Variants in FABP6 observed in about 807,000 individuals in gnomAD.
FABP6 encodes the protein gastrotropin.
A neutral mutation model predicts 14.9 loss-of-function variants in FABP6; 13 were observed. The ratio of observed to expected loss-of-function variants is 0.87; its 90% CI spans 0.57 to 1.39. The LOEUF is 1.39. FABP6 is among the 40% of genes most tolerant of loss of function. The pLI is 0.00. For missense variants in FABP6, 161 were observed against 167.2 expected, an observed-to-expected ratio of 0.96 and a Z score of 0.20; for synonymous variants, 75 against 63.6, an observed-to-expected ratio of 1.18 and a Z score of -0.85.
At chr5:160,218,555 A>C (rs569559229) in intron 3 of FABP6, among the ~76,000 whole-genome samples, 1 of 143,508 alleles carries the variant, frequency 7.0e-6, no homozygotes, top group East Asian at 2.0e-4. Context: ...CTGCCTCCCG[A>C]GTACAAGCAG....
At chr5:160,225,104 T>G (rs1018150067), upstream of FABP6, among the ~76,000 whole-genome samples, 1 of 151,736 alleles carries the variant, frequency 6.6e-6, no homozygotes, top group Non-Finnish European at 1.5e-5. Context: ...TTTTTTTTTT[T>G]TGTTTTTTTT....
At chr5:160,230,684 A>C (rs138155533) in intron 1 of FABP6, among the ~76,000 whole-genome samples, 34 of 152,140 alleles carry the variant, frequency 2.2e-4, no homozygotes, top group African/African-American at 7.5e-4. Flanking sequence ...ATTGAACACC[A>C]GCTATATGCA....
chr5:160,208,636 T>C (rs917461910), intron 2 of FABP6, among the ~76,000 whole-genome samples: 1 of 152,180 alleles, frequency 6.6e-6, no homozygotes, highest in African/African-American at 2.4e-5. Context: ...TTAGTTATCA[T>C]GAGAGTGGGA....
chr5:160,198,326 A>ATCCCCCAGCAGGTT (rs1759558927), intron 1 of FABP6: 1 of 152,480 alleles, frequency 6.6e-6, no homozygotes, highest in African/African-American at 2.4e-5. Flanking sequence ...CCCACAGACA[A>ATCCCCCAGCAGGTT]TCCCCCAGCA....
intron 1 of FABP6, among the ~76,000 whole-genome samples, chr5:160,192,275 C>T (rs1326059121): frequency 1.3e-5 from 2 of 152,206 alleles, no homozygotes; most frequent in Non-Finnish European, 2.9e-5. Context: ...AATCCTCCTC[C>T]TTCAGCCTCC....
chr5:160,206,237 C>G (rs1469578370), intron 2 of FABP6, among the ~76,000 whole-genome samples: 1 of 152,088 alleles, frequency 6.6e-6, no homozygotes, highest in African/African-American at 2.4e-5. Context: ...TGAGACCAAC[C>G]TGGCCAACAT....
intron 2 of FABP6, among the ~76,000 whole-genome samples, chr5:160,203,390 C>G (rs1759688471): frequency 6.6e-6 from 1 of 152,132 alleles, no homozygotes; most frequent in South Asian, 2.1e-4. Flanking sequence ...GGAAAACTGG[C>G]CTATTTCTAA....
chr5:160,213,753 G>A, exon 3 of FABP6: 1 of 1,613,916 alleles, frequency 6.2e-7, no homozygotes, highest in Non-Finnish European at 8.5e-7. Context: ...GAGCTGTGTT[G>A]TCTGCGTGCA....
intron 3 of FABP6, among the ~76,000 whole-genome samples, chr5:160,219,548 G>A (rs191150920): frequency 6.3e-4 from 96 of 152,228 alleles, no homozygotes; most frequent in Admixed American, 2.4e-3. Context: ...AAGGTGGAGG[G>A]TCAGATGTAC....
chr5:160,188,389 G>T (rs1190638748), intron 1 of FABP6, among the ~76,000 whole-genome samples: 1 of 152,044 alleles, frequency 6.6e-6, no homozygotes, highest in Admixed American at 6.6e-5. Context: ...CCAGGTAGCC[G>T]GCTGGCTGAG....
upstream of FABP6, among the ~76,000 whole-genome samples, chr5:160,227,341 C>A (rs541349238): frequency 6.7e-4 from 102 of 152,134 alleles, 4 homozygotes; most frequent in South Asian, 0.021. Context: ...TTGAGACCAG[C>A]CTGGCCAACA....
chr5:160,214,448 T>C (rs1759972477), intron 3 of FABP6, among the ~76,000 whole-genome samples: 1 of 151,896 alleles, frequency 6.6e-6, no homozygotes, highest in South Asian at 2.1e-4. Flanking sequence ...TACAGATGTA[T>C]GTCACCACAC....
Position 160,232,248 on chromosome 5 carries a change from AG to A in FABP6, c.219del (p.Thr74GlnfsTer20). On this transcript the variant is annotated frameshift_variant, in exon 2 of 4. Coordinates refer to ENST00000402432, the MANE Select transcript of FABP6 (RefSeq NM_001445.3). LOFTEE classifies it high-confidence loss of function. Reference protein sequence around the residue: ...KFTVGKESNIQTMGGKTFKAT... With the variant: ...KFTVGKESNIXTMGGKTFKAT... ...ACTGTTGGCAAGGAAAGCAACATACAGACAATGGGGGGCAAGACGTTCAAGG... is the reference window on the plus strand; with the variant it reads ...ACTGTTGGCAAGGAAAGCAACATACAACAATGGGGGGCAAGACGTTCAAGG... The A allele has an allele frequency of 1.2e-6, 2 of 1,611,132 alleles. No homozygotes were observed. Among genetic ancestry groups the A allele is most frequent in the Non-Finnish European group, 1.7e-6 (2 of 1,178,652 alleles).
chr5:160,227,819 C>CGTGTGTGTGTGTGT (rs763474232), upstream of FABP6, among the ~76,000 whole-genome samples: 95 of 145,706 alleles, frequency 6.5e-4, no homozygotes, highest in Middle Eastern at 6.9e-3. Flanking sequence ...AAATCCATGA[C>CGTGTGTGTGTGTGT]GTGTGTGTGT....
At chr5:160,225,971 C>T (rs372666435), upstream of FABP6, among the ~76,000 whole-genome samples, 21 of 151,690 alleles carry the variant, frequency 1.4e-4, no homozygotes, top group East Asian at 7.9e-4. Context: ...GTCAGGAGTT[C>T]GAAACCAGCC....
intron 3 of FABP6, among the ~76,000 whole-genome samples, chr5:160,222,865 G>C (rs1269759047): frequency 6.6e-6 from 1 of 152,156 alleles, no homozygotes; most frequent in African/African-American, 2.4e-5. Flanking sequence ...GAATGTTCTA[G>C]ACCCCTTAAG....
At chr5:160,224,786 C>CT (rs1198458606), upstream of FABP6, among the ~76,000 whole-genome samples, 1,147 of 107,798 alleles carry the variant, frequency 0.011, 12 homozygotes, top group African/African-American at 0.032. Flanking sequence ...CTTTTTTTTT[C>CT]TTTTTTTTTT....
chr5:160,189,730 A>G (rs1377273398), intron 1 of FABP6, among the ~76,000 whole-genome samples: 1 of 152,174 alleles, frequency 6.6e-6, no homozygotes, highest in Non-Finnish European at 1.5e-5. Flanking sequence ...ACATTAAAAA[A>G]ATTTTAAGAT....
chr5:160,227,819 C>CGTGTGTGTGTGTGTGT (rs763474232), upstream of FABP6, among the ~76,000 whole-genome samples: 20 of 145,730 alleles, frequency 1.4e-4, no homozygotes, highest in African/African-American at 3.8e-4. Flanking sequence ...AAATCCATGA[C>CGTGTGTGTGTGTGTGT]GTGTGTGTGT....
Sources: allele counts gnomAD v4.1 joint callset (sites outside exome capture counted in the v4.1 genomes callset), GRCh38; gene constraint gnomAD v4.1.1; transcripts MANE v1.5; gene names NCBI Gene and HGNC (gene_info 2026-07-23, HGNC 2026-07-21).